The following SND1 variants were observed in gnomAD, a reference collection of about 807,000 sequenced individuals.
SND1 encodes the protein staphylococcal nuclease domain-containing protein 1.
In SND1, 38 loss-of-function variants were observed where a neutral mutation model predicts 121.7. The ratio of observed to expected loss-of-function variants is 0.31; its 90% confidence interval spans 0.24 to 0.41. SND1 has a LOEUF of 0.41. Among genes scored for constraint, SND1 ranks in the 10% least tolerant of loss-of-function variants. The pLI is 1.00. For synonymous variants in SND1, 401 were observed against 447.4 expected (o/e 0.90, Z 1.31); for missense variants, 868 against 1,184.6 (o/e 0.73, Z 3.92).
At chr7:127,659,035 T>G (rs1322783526) in intron 1 of SND1, among the ~76,000 whole-genome samples, 3 of 152,252 alleles carry the variant, frequency 2.0e-5, no homozygotes, top group Non-Finnish European at 2.9e-5. Flanking sequence ...AGTTACATAC[T>G]GTAGGAAATT....
intron 15 of SND1, among the ~76,000 whole-genome samples, chr7:127,933,476 AG>A (rs1190578883): frequency 1.3e-5 from 2 of 152,200 alleles, no homozygotes; most frequent in Non-Finnish European, 2.9e-5. Flanking sequence ...GACAGGGAAA[AG>A]TCTTAAGAGA....
At chr7:127,844,609 T>C (rs1184852780) in intron 12 of SND1, among the ~76,000 whole-genome samples, 185 bp downstream of exon 12, 1 of 152,232 alleles carries the variant, frequency 6.6e-6, no homozygotes, top group African/African-American at 2.4e-5. Flanking sequence ...CATTAGCTAA[T>C]CGTATACTTT....
At chr7:128,042,237 TCTC>T (rs1792868478) in intron 16 of SND1, 1 of 152,194 alleles carries the variant, frequency 6.6e-6, no homozygotes, top group South Asian at 2.1e-4. Flanking sequence ...GGACAGGGAC[TCTC>T]CTCCCTCCCC....
intron 3 of SND1, among the ~76,000 whole-genome samples, chr7:127,696,803 A>T (rs1452723007): frequency 6.6e-6 from 1 of 152,216 alleles, no homozygotes; most frequent in Non-Finnish European, 1.5e-5. Flanking sequence ...TACAAACTGG[A>T]TATAATTTAA....
intron 13 of SND1, among the ~76,000 whole-genome samples, chr7:127,894,766 G>A (rs1800084108): frequency 6.6e-6 from 1 of 151,154 alleles, no homozygotes; most frequent in Non-Finnish European, 1.5e-5. Context: ...AGGCTGGTCT[G>A]TGTTGCATGT....
intron 14 of SND1, among the ~76,000 whole-genome samples, chr7:127,907,421 A>G (rs543060488): frequency 3.3e-5 from 5 of 152,350 alleles, no homozygotes; most frequent in African/African-American, 4.8e-5. Flanking sequence ...GAAAAAGACA[A>G]TGTAATGCAC....
chr7:127,822,606 G>A (rs750532143), intron 11 of SND1, among the ~76,000 whole-genome samples: 3 of 152,014 alleles, frequency 2.0e-5, no homozygotes, highest in African/African-American at 4.8e-5. Context: ...GAAAAAAAGA[G>A]AAGATAAAGG....
intron 15 of SND1, 60 bp downstream of exon 15, chr7:127,929,389 C>A: frequency 1.3e-6 from 2 of 1,548,608 alleles, no homozygotes; most frequent in Non-Finnish European, 1.8e-6. Flanking sequence ...AAACCACATA[C>A]CCTCCTTTCC....
chr7:127,824,383 G>A (rs551616678), intron 11 of SND1, among the ~76,000 whole-genome samples: 24 of 152,284 alleles, frequency 1.6e-4, no homozygotes, highest in East Asian at 7.7e-4. Context: ...GCCATATTCC[G>A]TGATGTAGAT....
intron 10 of SND1, among the ~76,000 whole-genome samples, chr7:127,802,404 A>C (rs1798149813): frequency 6.6e-6 from 1 of 152,196 alleles, no homozygotes; most frequent in African/African-American, 2.4e-5. Flanking sequence ...AAGTATGCTC[A>C]TCAAACTACC....
At chr7:127,912,669 C>G (rs1800485539) in intron 14 of SND1, among the ~76,000 whole-genome samples, 1 of 152,064 alleles carries the variant, frequency 6.6e-6, no homozygotes, top group Admixed American at 6.6e-5. Context: ...AAATTTTCTA[C>G]ATGAGTTTAT....
At chr7:127,855,382 G>A (rs899540987) in intron 12 of SND1, among the ~76,000 whole-genome samples, 1 of 152,098 alleles carries the variant, frequency 6.6e-6, no homozygotes, top group East Asian at 1.9e-4. Context: ...AAAGTGCTGG[G>A]ATTATATCAT....
At chr7:127,768,263 G>A (rs1324080230) in intron 10 of SND1, among the ~76,000 whole-genome samples, 2 of 152,088 alleles carry the variant, frequency 1.3e-5, no homozygotes, top group African/African-American at 2.4e-5. Context: ...CTTGTTCACT[G>A]TTCATTCTCA....
At chr7:127,697,502 T>C (rs904294264) in intron 3 of SND1, among the ~76,000 whole-genome samples, 2 of 152,228 alleles carry the variant, frequency 1.3e-5, no homozygotes, top group South Asian at 2.1e-4. Flanking sequence ...GGCACTTCAC[T>C]GCTCAATTTT....
intron 16 of SND1, among the ~76,000 whole-genome samples, chr7:128,048,155 C>T (rs983620910): frequency 6.6e-6 from 1 of 152,182 alleles, no homozygotes; most frequent in African/African-American, 2.4e-5. Context: ...TGTCTTCTTC[C>T]TTGTTCTTAT....
At chr7:127,847,278 C>A (rs1433797007) in intron 12 of SND1, among the ~76,000 whole-genome samples, 1 of 151,928 alleles carries the variant, frequency 6.6e-6, no homozygotes, top group East Asian at 1.9e-4. Flanking sequence ...TCTCAAAAAA[C>A]AAACAAACAA....
rs575089429 is a variant in SND1 at position 127,930,189 on chromosome 7, T to C, written c.1669+860T>C. Among the ~76,000 whole-genome samples the C allele has an allele frequency of 3.7e-5, 5 of 135,238 alleles. No individual in the cohort carries two copies. The South Asian group carries it at 1.3e-3, about 36-fold the overall frequency. 88.7% of individuals were successfully genotyped at this position (135,238 alleles called of 152,430 possible). ...AATATTCATTCACTTGCAAAAGACA[T>C]ATCCCGCCGTGGTCCCCAGATGCAC... On this transcript the variant is annotated intron_variant, in intron 15 of 23. Transcript: ENST00000354725.
At chr7:127,686,469 T>G in intron 1 of SND1, 144 bp from the exon 2 acceptor site, 1 of 823,300 alleles carries the variant, frequency 1.2e-6, no homozygotes. Context: ...AACAATCCTG[T>G]TTATTTAGTC....
chr7:127,853,174 G>T (rs1799204338), intron 12 of SND1, among the ~76,000 whole-genome samples: 1 of 152,186 alleles, frequency 6.6e-6, no homozygotes, highest in Non-Finnish European at 1.5e-5. Context: ...CTCTCTGGTA[G>T]AGAGCTTTAA....
Sources: gnomAD v4.1 joint callset for allele counts (sites outside exome capture counted in the v4.1 genomes callset) on GRCh38, gnomAD v4.1.1 for gene constraint, MANE v1.5 for transcripts, NCBI Gene and HGNC (gene_info 2026-07-23, HGNC 2026-07-21) for gene names.